CORO2B: variants seen among roughly 807,000 people sequenced by gnomAD.
CORO2B encodes the protein coronin-2B.
CORO2B carries 26 observed loss-of-function variants against 58.8 expected under a neutral mutation model. The observed-to-expected ratio is 0.44, with a 90% CI of 0.32 to 0.61. CORO2B has a LOEUF of 0.61. CORO2B is among the 20% of genes least tolerant of loss of function. CORO2B has a pLI of 0.04. For missense variants in CORO2B, 460 were observed against 645.1 expected (o/e 0.71, Z 3.11); for synonymous variants, 242 against 253.8 (o/e 0.95, Z 0.44).
chr15:68,690,896 C>G (rs1567010211), intron 2 of CORO2B, among the ~76,000 whole-genome samples: 1 of 147,006 alleles, frequency 6.8e-6, no homozygotes, highest in Non-Finnish European at 1.5e-5. Flanking sequence ...CTTAAACGAT[C>G]CACCTGCCTT....
the CORO2B span, among the ~76,000 whole-genome samples, chr15:68,531,649 G>A: frequency 6.6e-6 from 1 of 150,416 alleles, no homozygotes; most frequent in Non-Finnish European, 1.5e-5. Flanking sequence ...AAGAAAGAAA[G>A]AAAGAGGGAA....
At chr15:68,692,135 C>T (rs939773181) in intron 2 of CORO2B, among the ~76,000 whole-genome samples, 1 of 152,182 alleles carries the variant, frequency 6.6e-6, no homozygotes, top group Non-Finnish European at 1.5e-5. Flanking sequence ...GTGTGGAAAT[C>T]CCGGCTTTGC....
At chr15:68,698,428 G>A (rs777660885) in intron 3 of CORO2B, among the ~76,000 whole-genome samples, 2 of 152,144 alleles carry the variant, frequency 1.3e-5, no homozygotes, top group Admixed American at 6.5e-5. Context: ...CTAGCTCGGC[G>A]TCTTATTTAA....
At chr15:68,534,502 T>C in the CORO2B span, among the ~76,000 whole-genome samples, 2 of 152,232 alleles carry the variant, frequency 1.3e-5, no homozygotes, top group South Asian at 4.1e-4. Flanking sequence ...TGAACTCAAC[T>C]TTCACTTTAG....
chr15:68,683,566 C>G (rs1482588750), intron 2 of CORO2B, among the ~76,000 whole-genome samples: 1 of 140,262 alleles, frequency 7.1e-6, no homozygotes, highest in East Asian at 1.9e-4. Flanking sequence ...TGGTGCACCA[C>G]CCCTCCCCCC....
At chr15:68,626,047 A>G (rs774422088) in intron 1 of CORO2B, among the ~76,000 whole-genome samples, 13 of 152,224 alleles carry the variant, frequency 8.5e-5, no homozygotes, top group Non-Finnish European at 1.3e-4. Context: ...GCTTTCATCC[A>G]GAAATGCTGT....
chr15:68,587,685 A>G (rs1459154361), intron 1 of CORO2B, among the ~76,000 whole-genome samples: 11 of 152,236 alleles, frequency 7.2e-5, no homozygotes, highest in Admixed American at 7.2e-4. Context: ...TATGCCAAGC[A>G]TATACAATAT....
chr15:68,634,201 G>T (rs1451559557), intron 1 of CORO2B, among the ~76,000 whole-genome samples: 1 of 152,228 alleles, frequency 6.6e-6, no homozygotes, highest in East Asian at 1.9e-4. Flanking sequence ...CAGAAGTCCT[G>T]GGTTTAACTC....
intron 2 of CORO2B, among the ~76,000 whole-genome samples, chr15:68,694,816 A>T (rs1894140153): frequency 1.3e-5 from 2 of 152,116 alleles, no homozygotes; most frequent in African/African-American, 4.8e-5. Context: ...AGTGGGTAGT[A>T]ACAGCTTAAC....
intron 2 of CORO2B, among the ~76,000 whole-genome samples, chr15:68,682,289 G>C (rs1045381037): frequency 8.5e-5 from 13 of 152,170 alleles, no homozygotes; most frequent in Admixed American, 8.5e-4. Context: ...TCTGGAGTTC[G>C]AGAAGAGACC....
In CORO2B at chr15:68,630,990, G is replaced by A. The variant is rs530816674; in HGVS notation, c.16-14170G>A. Among the ~76,000 whole-genome samples, 6 of 152,238 alleles carry A rather than the reference G, an allele frequency of 3.9e-5. No individual in the cohort carries two copies. In the South Asian group the frequency reaches 1.2e-3, roughly 32 times the overall value. ...AAGCCCCCTAGTGGACTTCCTCCTAGGTCTCACTTGCCAGAACTGGGTCTT... is the reference window on the plus strand; with the variant it reads ...AAGCCCCCTAGTGGACTTCCTCCTAAGTCTCACTTGCCAGAACTGGGTCTT... On this transcript the variant is annotated intron_variant, in intron 1 of 11. Coordinates refer to ENST00000261861, the MANE Select transcript of CORO2B (RefSeq NM_006091.5).
At chr15:68,585,612 G>GGCATGATCGTACTCT (rs1198038635) in intron 1 of CORO2B, among the ~76,000 whole-genome samples, 1 of 152,086 alleles carries the variant, frequency 6.6e-6, no homozygotes, top group Non-Finnish European at 1.5e-5. Context: ...TTGGTCCTGG[G>GGCATGATCGTACTCT]GCATGATCGT....
At chr15:68,680,058 C>T (rs1567006581) in intron 2 of CORO2B, among the ~76,000 whole-genome samples, 1 of 151,148 alleles carries the variant, frequency 6.6e-6, no homozygotes, top group Non-Finnish European at 1.5e-5. Flanking sequence ...ACTGGGCCCC[C>T]GCAGAGTGTG....
At chr15:68,617,814 G>A (rs934989148) in intron 1 of CORO2B, among the ~76,000 whole-genome samples, 28 of 152,228 alleles carry the variant, frequency 1.8e-4, no homozygotes, top group African/African-American at 3.6e-4. Context: ...GGTGGTTGTC[G>A]TCCCAGTGGG....
chr15:68,664,448 C>T (rs1226847615), intron 2 of CORO2B, among the ~76,000 whole-genome samples: 1 of 152,062 alleles, frequency 6.6e-6, no homozygotes, highest in Non-Finnish European at 1.5e-5. Context: ...GAGATCGAGC[C>T]CATCCTGGCT....
upstream of CORO2B, among the ~76,000 whole-genome samples, chr15:68,578,663 T>G (rs1566976377): frequency 6.6e-6 from 1 of 151,912 alleles, no homozygotes; most frequent in Non-Finnish European, 1.5e-5. This position sits in a 1 kb window ranked among gnomAD's most constrained non-coding sequence, Gnocchi z 4.2. Context: ...CCGTCCAGCC[T>G]GTGACTTCAC....
chr15:68,662,634 G>T (rs1000831084), intron 2 of CORO2B, among the ~76,000 whole-genome samples: 50 of 152,232 alleles, frequency 3.3e-4, no homozygotes, highest in Admixed American at 2.9e-3. Context: ...TGCATTTTAA[G>T]CAGATACTTG....
chr15:68,648,641 C>G (rs1028916478), intron 2 of CORO2B, among the ~76,000 whole-genome samples: 1 of 151,910 alleles, frequency 6.6e-6, no homozygotes, highest in Admixed American at 6.5e-5. Context: ...CAGAGCGAGA[C>G]TCCGTCTCAA....
chr15:68,579,747 A>C (rs1899380499), intron 1 of CORO2B, among the ~76,000 whole-genome samples: 1 of 152,130 alleles, frequency 6.6e-6, no homozygotes, highest in Admixed American at 6.5e-5. Context: ...CCATGCCGGG[A>C]GCGCTGGCTC....
Sources: gnomAD v4.1 joint callset for allele counts (sites outside exome capture counted in the v4.1 genomes callset) on GRCh38, gnomAD v4.1.1 for gene constraint, Gnocchi (gnomAD v3.1) non-coding constraint, MANE v1.5 for transcripts, NCBI Gene and HGNC (gene_info 2026-07-23, HGNC 2026-07-21) for gene names.